The following PTPRR variants were observed in gnomAD, a reference collection of about 807,000 sequenced individuals.
PTPRR encodes receptor-type tyrosine-protein phosphatase R.
In PTPRR, 38 loss-of-function variants were observed where a neutral mutation model predicts 77.2. That is an observed-to-expected ratio of 0.49 (90% CI 0.38 to 0.65). The LOEUF (loss-of-function observed/expected upper bound fraction) is 0.65, where lower values mean the gene tolerates loss of function less well. Ranked by LOEUF, PTPRR falls within the 30% of genes least tolerant of loss-of-function variation. PTPRR has a pLI of 0.00. For missense variants in PTPRR, 744 were observed against 799.2 expected (o/e 0.93, Z 0.83); for synonymous variants, 299 against 283.1 (o/e 1.06, Z -0.57).
chr12:70,733,490 A>T (rs1274339995), intron 6 of PTPRR, among the ~76,000 whole-genome samples: 1 of 143,138 alleles, frequency 7.0e-6, no homozygotes, highest in African/African-American at 2.6e-5. Context: ...AAGAAAAAAA[A>T]AGAAAAAAAA....
chr12:70,773,112 C>T (rs1891015679), intron 2 of PTPRR, among the ~76,000 whole-genome samples: 1 of 152,122 alleles, frequency 6.6e-6, no homozygotes, highest in Non-Finnish European at 1.5e-5. Context: ...GTCTTCACGT[C>T]TTCCCTCTGA....
intron 2 of PTPRR, among the ~76,000 whole-genome samples, chr12:70,814,265 G>A (rs1891861481): frequency 6.6e-6 from 1 of 152,162 alleles, no homozygotes; most frequent in Non-Finnish European, 1.5e-5. Flanking sequence ...TGTCATCTGG[G>A]AATGTTCTTG....
intron 1 of PTPRR, among the ~76,000 whole-genome samples, chr12:70,917,223 G>A (rs1385590587): frequency 1.3e-5 from 2 of 152,136 alleles, no homozygotes; most frequent in African/African-American, 2.4e-5. Context: ...TTCAACTGGA[G>A]TTTATATATT....
At chr12:70,733,442 A>AAG (rs1391371462) in intron 6 of PTPRR, among the ~76,000 whole-genome samples, 3 of 93,694 alleles carry the variant, frequency 3.2e-5, no homozygotes, top group African/African-American at 1.2e-4. Context: ...AAAAAAAAAA[A>AAG]AAAGAAAGAA....
At chr12:70,885,703 T>G (rs907188920) in intron 2 of PTPRR, among the ~76,000 whole-genome samples, 1 of 118,178 alleles carries the variant, frequency 8.5e-6, no homozygotes, top group Admixed American at 9.0e-5. Context: ...CCCGGCTAAT[T>G]TTTTGTATTT....
At chr12:70,703,118 T>C (rs575733936) in intron 6 of PTPRR, among the ~76,000 whole-genome samples, 12 of 152,266 alleles carry the variant, frequency 7.9e-5, no homozygotes, top group Non-Finnish European at 1.6e-4. Context: ...TATTTTTCCT[T>C]CTAACAGTTT....
At chr12:70,640,560 C>G (rs1885962156) in intron 13 of PTPRR, among the ~76,000 whole-genome samples, 1 of 152,190 alleles carries the variant, frequency 6.6e-6, no homozygotes, top group Admixed American at 6.5e-5. Flanking sequence ...CTATCGGTAA[C>G]TATTTAAAGT....
At chr12:70,728,494 G>GTGTATATATATATATATA (rs1565669339) in intron 6 of PTPRR, among the ~76,000 whole-genome samples, 2 of 2,542 alleles carry the variant, frequency 7.9e-4, no homozygotes, top group African/African-American at 1.0e-3. Context: ...ATATATATAT[G>GTGTATATATATATATATA]TATGTATGTA....
At chr12:70,723,048 C>T (rs1486565961) in intron 6 of PTPRR, among the ~76,000 whole-genome samples, 9 of 152,144 alleles carry the variant, frequency 5.9e-5, no homozygotes, top group Non-Finnish European at 1.2e-4. Flanking sequence ...AACTGTCTGC[C>T]AGATGTCGAC....
chr12:70,649,512 C>G (rs1478056137), intron 13 of PTPRR, among the ~76,000 whole-genome samples: 3 of 152,152 alleles, frequency 2.0e-5, no homozygotes, highest in African/African-American at 7.2e-5. Flanking sequence ...TTCTGATATA[C>G]TGGTTCTGTC....
chr12:70,716,441 A>C (rs1429770171), intron 6 of PTPRR, among the ~76,000 whole-genome samples: 3 of 152,144 alleles, frequency 2.0e-5, no homozygotes, highest in Non-Finnish European at 4.4e-5. Flanking sequence ...TATTTACAAA[A>C]TTTGAAGTAG....
chr12:70,654,470 G>A (rs931808375), intron 13 of PTPRR, among the ~76,000 whole-genome samples: 1 of 152,128 alleles, frequency 6.6e-6, no homozygotes, highest in Non-Finnish European at 1.5e-5. Context: ...AGGAGGTCAA[G>A]GCTGCAGTGG....
At chr12:70,695,032 A>G (rs1888183848) in intron 8 of PTPRR, among the ~76,000 whole-genome samples, 1 of 152,224 alleles carries the variant, frequency 6.6e-6, no homozygotes, top group South Asian at 2.1e-4. Flanking sequence ...ACTTGACTTT[A>G]GCATTTTAAT....
At position 70,890,142 on chromosome 12, in the gene PTPRR, G is replaced by A. The variant is rs116867005; in HGVS notation, c.357+2537C>T. ...TTTACAGCATACTTTCATCTAAAGC[G>A]GTATTTTTTTCCTCTTACCATAGTA... On this transcript the variant is annotated intron_variant, in intron 2 of 13. Coordinates refer to ENST00000283228, the MANE Select transcript of PTPRR (RefSeq NM_002849.4). Among the ~76,000 whole-genome samples the A allele has an allele frequency of 7.6e-4, 116 of 152,184 alleles. 3 individuals carry two copies. In the East Asian group the frequency reaches 0.016, roughly 22 times the overall value.
Position 70,892,816 on chromosome 12 carries a change from C to G in PTPRR, c.220G>C (p.Val74Leu). ...TTGACAATCTGGTGGCGTTTGCTTA[C>G]TTGAGCTTCGGAAGAGGAATGGTAG... is the stretch of plus-strand genomic sequence containing the variant. Reference protein sequence around the residue: ...HSYHSSSEAQVSKRHQIVNSA... With the variant: ...HSYHSSSEAQLSKRHQIVNSA... Residue 74 changes from valine to leucine, a missense_variant, in exon 2 of 14, where the codon GTA becomes CTA. Transcript: ENST00000283228. The G allele has an allele frequency of 6.2e-7, 1 of 1,613,508 alleles. No individual in the cohort carries two copies. The highest frequency in any genetic ancestry group is 8.5e-7 in the Non-Finnish European group (1 of 1,179,588).
intron 2 of PTPRR, among the ~76,000 whole-genome samples, chr12:70,814,772 A>C (rs1438057787): frequency 6.6e-6 from 1 of 152,184 alleles, no homozygotes; most frequent in African/African-American, 2.4e-5. Flanking sequence ...CTCTGGTTCC[A>C]CCTAGCAAAG....
At position 70,745,799 on chromosome 12, in the gene PTPRR, A is replaced by G; in HGVS notation, c.1007+19T>C. The G allele has an allele frequency of 6.2e-7, 1 of 1,611,986 alleles. No homozygotes were observed. Among genetic ancestry groups the G allele is most frequent in the Non-Finnish European group, 8.5e-7 (1 of 1,179,064 alleles). On this transcript the variant is annotated intron_variant, in intron 6 of 13. Coordinates refer to ENST00000283228, the MANE Select transcript of PTPRR (RefSeq NM_002849.4). ...TTTTATAAAAAGCCACACGTAGGGT[A>G]TACAGAACAAGCTCTTACCTCTCTT... is the stretch of plus-strand genomic sequence containing the variant.
At chr12:70,780,933 C>A (rs906017743) in intron 2 of PTPRR, among the ~76,000 whole-genome samples, 1 of 152,172 alleles carries the variant, frequency 6.6e-6, no homozygotes, top group African/African-American at 2.4e-5. Context: ...CTGTTCTTTG[C>A]AAGTGGTAAA....
chr12:70,769,974 G>A (rs1214661287), intron 2 of PTPRR, among the ~76,000 whole-genome samples: 1 of 152,176 alleles, frequency 6.6e-6, no homozygotes, highest in South Asian at 2.1e-4. Flanking sequence ...AGCTGAAACT[G>A]GATCCCTTCC....
Sources: allele counts gnomAD v4.1 joint callset (sites outside exome capture counted in the v4.1 genomes callset), GRCh38; gene constraint gnomAD v4.1.1; transcripts MANE v1.5; gene names NCBI Gene and HGNC (gene_info 2026-07-23, HGNC 2026-07-21).